The following AGPAT5 variants were observed in gnomAD, a reference collection of about 807,000 sequenced individuals.
AGPAT5 encodes 1-acyl-sn-glycerol-3-phosphate acyltransferase epsilon.
AGPAT5 carries 46 observed loss-of-function variants against 45.6 expected under a neutral mutation model. That is an observed-to-expected ratio of 1.01 (90% CI 0.80 to 1.29). AGPAT5 has a LOEUF of 1.29. Ranked by LOEUF, AGPAT5 falls within the 50% of genes most tolerant of loss-of-function variation. The pLI is 0.00. For missense variants in AGPAT5, 673 were observed against 450.7 expected (o/e 1.49, Z -4.47); for synonymous variants, 272 against 167.0 (o/e 1.63, Z -4.85).
chr8:6,715,143 A>G (rs527808254), intron 1 of AGPAT5, among the ~76,000 whole-genome samples: 45 of 152,312 alleles, frequency 3.0e-4, no homozygotes, highest in Admixed American at 4.6e-4. Context: ...ACCTGCCATT[A>G]TGGAGGTCAC....
chr8:6,760,540 A>T lies in AGPAT5; in HGVS notation c.*3152A>T, dbSNP rs1802002260. Among the ~76,000 whole-genome samples the T allele has an allele frequency of 6.6e-6, 1 of 152,264 alleles. No individual in the cohort carries two copies. On this transcript the variant is annotated 3_prime_UTR_variant, in exon 8 of 8. Coordinates refer to ENST00000285518, the MANE Select transcript of AGPAT5 (RefSeq NM_018361.5). The stretch of plus-strand genomic sequence containing the variant: ...ATTTTGTGTGTATAATTGCAAGCGC[A>T]TAGTAAAATAATTTTAACCTTAATT...
In AGPAT5 at chr8:6,747,796, G is replaced by A; in HGVS notation, c.713G>A (p.Gly238Glu). ...VTVVYEGKDDGGQRRESPTMT... is the reference protein window; with the variant it reads ...VTVVYEGKDDEGQRRESPTMT... ...GTGGTTTATGAAGGGAAAGACGATG[G>A]AGGGCAGCGAAGAGAGTCACCGACC... Residue 238 changes from glycine to glutamate, a missense_variant, in exon 6 of 8, where the codon GGA becomes GAA. Physicochemically the swap from Gly to Glu is moderately conservative, Grantham distance 98. Coordinates refer to ENST00000285518, the MANE Select transcript of AGPAT5 (RefSeq NM_018361.5). The A allele has an allele frequency of 6.2e-7, 1 of 1,614,182 alleles. No individual in the cohort carries two copies. The highest frequency in any genetic ancestry group is 8.5e-7 in the Non-Finnish European group (1 of 1,180,032).
At chr8:6,711,275 T>C (rs1248363911) in intron 1 of AGPAT5, among the ~76,000 whole-genome samples, 2 of 152,210 alleles carry the variant, frequency 1.3e-5, no homozygotes, top group Non-Finnish European at 2.9e-5. Flanking sequence ...ACAAATTTAG[T>C]TGGATTTTTC....
chr8:6,740,080 A>C (rs757404037), intron 4 of AGPAT5, among the ~76,000 whole-genome samples: 3 of 152,174 alleles, frequency 2.0e-5, no homozygotes, highest in Non-Finnish European at 4.4e-5. Context: ...TAAGTATATA[A>C]GAAATAGTTT....
chr8:6,739,479 T>C (rs1445133258), intron 4 of AGPAT5, among the ~76,000 whole-genome samples: 1 of 152,142 alleles, frequency 6.6e-6, no homozygotes, highest in Non-Finnish European at 1.5e-5. Context: ...TGTAGTTTAA[T>C]GTACAGATTT....
chr8:6,721,350 G>C (rs537761111), intron 1 of AGPAT5, among the ~76,000 whole-genome samples: 1 of 152,180 alleles, frequency 6.6e-6, no homozygotes, highest in African/African-American at 2.4e-5. Flanking sequence ...TGTAATCAAA[G>C]ACTGGGGAGA....
At chr8:6,709,517 A>G (rs1465520724) in intron 1 of AGPAT5, 1 of 152,118 alleles carries the variant, frequency 6.6e-6, no homozygotes, top group East Asian at 1.9e-4. Context: ...GAAACAAACC[A>G]TAAAAGTGGA....
At chr8:6,739,589 A>C (rs929907322) in intron 4 of AGPAT5, among the ~76,000 whole-genome samples, 2 of 152,110 alleles carry the variant, frequency 1.3e-5, no homozygotes, top group African/African-American at 4.8e-5. Flanking sequence ...TGACCTAGGC[A>C]TATATTTGAC....
chr8:6,749,385 C>A (rs940705970), intron 6 of AGPAT5, among the ~76,000 whole-genome samples: 4 of 152,102 alleles, frequency 2.6e-5, no homozygotes, highest in Non-Finnish European at 4.4e-5. Context: ...GTATATAACA[C>A]AGAGTAATTG....
At chr8:6,734,112 G>C (rs959728231) in intron 4 of AGPAT5, among the ~76,000 whole-genome samples, 9 of 151,904 alleles carry the variant, frequency 5.9e-5, no homozygotes, top group African/African-American at 2.2e-4. Context: ...TCTATGATTT[G>C]GTGTCTGTTA....
At chr8:6,748,027 G>T (rs916403083) in intron 6 of AGPAT5, among the ~76,000 whole-genome samples, 199 bp downstream of exon 6, 1 of 152,066 alleles carries the variant, frequency 6.6e-6, no homozygotes, top group Admixed American at 6.5e-5. Flanking sequence ...CTTGGCTGTC[G>T]TGTGAGTCCT....
rs150176868 is a variant in AGPAT5, at chr8:6,738,838, A to AT, written c.496-2815dup. ...ACATACTTTTAAGCTTAATTTATTG[A>AT]TTTTTTTTCTCTCATAATTTCCACT... is the stretch of plus-strand genomic sequence containing the variant. On this transcript the variant is annotated intron_variant, in intron 4 of 7. Coordinates refer to ENST00000285518, the MANE Select transcript of AGPAT5 (RefSeq NM_018361.5). Among the ~76,000 whole-genome samples, 48 of 151,524 alleles carry AT rather than the reference A, an allele frequency of 3.2e-4. 1 individual carries two copies. The East Asian group carries it at 7.9e-3, about 25-fold the overall frequency.
intron 7 of AGPAT5, among the ~76,000 whole-genome samples, chr8:6,755,785 C>A (rs564091569): frequency 3.0e-4 from 45 of 152,236 alleles, no homozygotes; most frequent in Non-Finnish European, 5.1e-4. Flanking sequence ...TTTTAATTAA[C>A]CCTCCTGGGT....
intron 4 of AGPAT5, among the ~76,000 whole-genome samples, chr8:6,732,859 G>C (rs1436103659): frequency 6.6e-6 from 1 of 152,194 alleles, no homozygotes. Flanking sequence ...TAGGTCCTTT[G>C]CTGGTCAGTG....
intron 3 of AGPAT5, 43 bp downstream of exon 3, chr8:6,730,869 A>G (rs62497307): frequency 3.1e-6 from 4 of 1,291,864 alleles, no homozygotes; most frequent in Non-Finnish European, 4.1e-6. Flanking sequence ...TGTAGTTTAT[A>G]AATTTTTTTT....
Position 6,715,734 on chromosome 8 carries a change from TA to T in AGPAT5, c.219+6849del, listed in dbSNP as rs1469999910. Among the ~76,000 whole-genome samples the T allele has an allele frequency of 2.0e-4, 30 of 152,198 alleles. 1 individual carries two copies. Among genetic ancestry groups the T allele is most frequent in the Non-Finnish European group, 4.4e-5 (3 of 68,034 alleles). On this transcript the variant is annotated intron_variant, in intron 1 of 7. Transcript: ENST00000285518. The stretch of plus-strand genomic sequence containing the variant: ...ATGAACTGCCAATTACAATATAGGA[TA>T]ACACTGAAATTAGAGACGTGTTTAT...
In AGPAT5 at chr8:6,725,071, C is replaced by A. The variant is rs565534809; in HGVS notation, c.289+132C>A. 26 of 324,450 alleles carry A rather than the reference C, an allele frequency of 8.0e-5. No homozygotes were observed. The South Asian group carries it at 3.6e-3, about 45-fold the overall frequency. 20.1% of individuals were successfully genotyped at this position (324,450 alleles called of 1,614,324 possible). On this transcript the variant is annotated intron_variant, in intron 2 of 7. Coordinates refer to ENST00000285518, the MANE Select transcript of AGPAT5 (RefSeq NM_018361.5). ...TTTCTGTGCAGATATTACACCTGTT[C>A]TTGTATTTTTGTGATTTTACTTTTT...
rs965785882 is a variant in AGPAT5 at position 6,760,319 on chromosome 8, G to A, written c.*2931G>A. The stretch of plus-strand genomic sequence containing the variant: ...AGGGTGAGGTGGGAGGATCGCTTCA[G>A]CCCAGGAGGTTGAGATTGCAGTGAG... On this transcript the variant is annotated 3_prime_UTR_variant, in exon 8 of 8. Coordinates refer to ENST00000285518, the MANE Select transcript of AGPAT5 (RefSeq NM_018361.5). 6.6e-6 allele frequency among the ~76,000 whole-genome samples: 1 copy of A among 152,106 alleles called. No homozygotes were observed. The highest frequency in any genetic ancestry group is 6.6e-5 in the Admixed American group (1 of 15,254).
At chr8:6,757,125 A>G in intron 7 of AGPAT5, 38 bp from the exon 8 acceptor site, 1 of 1,511,554 alleles carries the variant, frequency 6.6e-7, no homozygotes, top group Non-Finnish European at 9.1e-7. Context: ...GAAATACTGA[A>G]GTGACTAAAA....
Sources: allele counts gnomAD v4.1 joint callset (sites outside exome capture counted in the v4.1 genomes callset), GRCh38; gene constraint gnomAD v4.1.1; transcripts MANE v1.5; gene names NCBI Gene and HGNC (gene_info 2026-07-23, HGNC 2026-07-21).